Variants in PLXDC2 observed in about 807,000 individuals in gnomAD.
PLXDC2 encodes the protein plexin domain containing 2.
A neutral mutation model predicts 68.9 loss-of-function variants in PLXDC2; 40 were observed. The ratio of observed to expected loss-of-function variants is 0.58; its 90% CI spans 0.45 to 0.76. The LOEUF (loss-of-function observed/expected upper bound fraction) is 0.76, where lower values mean the gene tolerates loss of function less well. Ranked by LOEUF, PLXDC2 falls within the 30% of genes least tolerant of loss-of-function variation. The pLI, the probability that PLXDC2 is intolerant of heterozygous loss-of-function variation, is 0.00. For missense variants in PLXDC2, 644 were observed against 661.9 expected, an observed-to-expected ratio of 0.97 and a Z score of 0.30; for synonymous variants, 243 against 234.2, an observed-to-expected ratio of 1.04 and a Z score of -0.34.
At chr10:19,877,472 TA>T (rs1296700671) in intron 1 of PLXDC2, among the ~76,000 whole-genome samples, 16 of 152,346 alleles carry the variant, frequency 1.1e-4, no homozygotes, top group African/African-American at 3.8e-4. Flanking sequence ...CCCATGCATC[TA>T]GATATGACTA....
intron 1 of PLXDC2, among the ~76,000 whole-genome samples, chr10:19,942,211 TGAAAA>T (rs550361903): frequency 1.0e-3 from 154 of 152,296 alleles, no homozygotes; most frequent in African/African-American, 3.5e-3. Context: ...GAGATGCAGT[TGAAAA>T]GAAAAGATTG....
At chr10:19,828,581 A>T (rs1278810273) in intron 1 of PLXDC2, among the ~76,000 whole-genome samples, 1 of 152,158 alleles carries the variant, frequency 6.6e-6, no homozygotes, top group Non-Finnish European at 1.5e-5. Context: ...TCTTTTTAAC[A>T]TCTGTTGTTC....
chr10:19,944,129 G>A (rs755837124), intron 1 of PLXDC2, among the ~76,000 whole-genome samples: 2 of 152,092 alleles, frequency 1.3e-5, no homozygotes, highest in African/African-American at 2.4e-5. Context: ...TATGCTTTCC[G>A]GTAGGTGCAG....
At position 20,283,872 on chromosome 10, in the gene PLXDC2, C is replaced by A. The variant is rs1275162711; in HGVS notation, c.*4053C>A. On this transcript the variant is annotated 3_prime_UTR_variant, in exon 14 of 14. Transcript: ENST00000377252. ...AACTTAATGTAAACCTTTGCACATG[C>A]AGACTATATAAAGGGAATAAAATTA... 9 of 152,264 alleles carry A rather than the reference C, an allele frequency of 5.9e-5. No individual in the cohort carries two copies. The highest frequency in any genetic ancestry group is 2.6e-4 in the Admixed American group (4 of 15,294). 9.4% of individuals were successfully genotyped at this position (152,264 alleles called of 1,614,324 possible). A position where few individuals can be genotyped will look rare whatever the true frequency, so the allele number is the denominator to read the frequency against.
At chr10:20,246,539 G>A (rs887172349) in intron 13 of PLXDC2, among the ~76,000 whole-genome samples, 5 of 152,098 alleles carry the variant, frequency 3.3e-5, no homozygotes, top group Admixed American at 3.3e-4. Flanking sequence ...TAGTAGAGAT[G>A]GGGCTTTGCC....
chr10:19,911,942 G>A (rs1174462852), intron 1 of PLXDC2, among the ~76,000 whole-genome samples: 1 of 152,150 alleles, frequency 6.6e-6, no homozygotes, highest in Non-Finnish European at 1.5e-5. Flanking sequence ...TGAAATGTCT[G>A]TCTGCTGTGT....
chr10:20,013,211 C>T (rs1489596984), intron 2 of PLXDC2, among the ~76,000 whole-genome samples: 3 of 152,160 alleles, frequency 2.0e-5, no homozygotes, highest in South Asian at 2.1e-4. Context: ...TACCTGCCTA[C>T]ATAGCGTCTA....
chr10:19,826,193 G>C (rs190762289), intron 1 of PLXDC2, among the ~76,000 whole-genome samples: 60 of 152,270 alleles, frequency 3.9e-4, no homozygotes, highest in African/African-American at 1.4e-3. Flanking sequence ...TATTTTGCCA[G>C]TCCGTAGTTT....
chr10:20,240,363 C>G (rs977627573), intron 12 of PLXDC2, among the ~76,000 whole-genome samples: 3 of 152,090 alleles, frequency 2.0e-5, no homozygotes, highest in Non-Finnish European at 2.9e-5. Flanking sequence ...GATTCCATGT[C>G]TTTGCTATTG....
chr10:20,090,441 C>G (rs984489701), intron 4 of PLXDC2, among the ~76,000 whole-genome samples: 1 of 142,586 alleles, frequency 7.0e-6, no homozygotes, highest in Non-Finnish European at 1.5e-5. Flanking sequence ...GGAAGATATG[C>G]AGGGAGACGA....
At chr10:20,202,673 T>A (rs4575163) in intron 9 of PLXDC2, among the ~76,000 whole-genome samples, 141,518 of 152,236 alleles carry the variant, frequency 0.93, 65,857 homozygotes, top group Non-Finnish European at 0.95. Flanking sequence ...TGAGAATAGT[T>A]TTGCGAGCAA....
chr10:20,080,307 G>C (rs1217139418), intron 4 of PLXDC2, among the ~76,000 whole-genome samples: 1 of 152,126 alleles, frequency 6.6e-6, no homozygotes, highest in Non-Finnish European at 1.5e-5. Context: ...ATATGAAGGG[G>C]AGTTTATCAA....
chr10:20,032,402 C>T (rs1053735318), intron 2 of PLXDC2, among the ~76,000 whole-genome samples: 5 of 152,176 alleles, frequency 3.3e-5, no homozygotes, highest in South Asian at 4.1e-4. Flanking sequence ...GGATTTTATT[C>T]TAAGTGTGAT....
intron 1 of PLXDC2, among the ~76,000 whole-genome samples, chr10:19,830,419 A>G (rs1836666245): frequency 6.6e-6 from 1 of 152,020 alleles, no homozygotes; most frequent in Non-Finnish European, 1.5e-5. Flanking sequence ...CTCAGAGCAC[A>G]TTTTTTTCTT....
intron 2 of PLXDC2, among the ~76,000 whole-genome samples, chr10:20,017,113 A>G (rs555012365): frequency 6.6e-6 from 1 of 152,320 alleles, no homozygotes; most frequent in East Asian, 1.9e-4. Context: ...ATAGAGAGAG[A>G]GAAACGAGAA....
chr10:20,018,129 A>G (rs1456899422), intron 2 of PLXDC2, among the ~76,000 whole-genome samples: 1 of 152,184 alleles, frequency 6.6e-6, no homozygotes, highest in African/African-American at 2.4e-5. Flanking sequence ...GCAAAACAAA[A>G]TATTTCTACA....
chr10:20,074,641 T>C (rs563750248), intron 4 of PLXDC2, among the ~76,000 whole-genome samples: 1 of 152,314 alleles, frequency 6.6e-6, no homozygotes, highest in Admixed American at 6.5e-5. Context: ...TTTCAAATGG[T>C]AATATTTTAA....
intron 3 of PLXDC2, among the ~76,000 whole-genome samples, chr10:20,065,778 A>G (rs1836198523): frequency 6.6e-6 from 1 of 152,204 alleles, no homozygotes; most frequent in Non-Finnish European, 1.5e-5. Context: ...TGAGAATCTA[A>G]TGCTGCCAGT....
chr10:19,827,835 A>T lies in PLXDC2; in HGVS notation c.112+10644A>T, dbSNP rs373233992. Among the ~76,000 whole-genome samples, 72 of 152,342 alleles carry T rather than the reference A, an allele frequency of 4.7e-4. 1 individual carries two copies. The South Asian group carries it at 0.012, about 26-fold the overall frequency. ...TGGCCTCCCAAAGTGCTGGGATTAC[A>T]GACATGAGCCACCGCGCCCAGCCAT... On this transcript the variant is annotated intron_variant, in intron 1 of 13. Coordinates refer to ENST00000377252, the MANE Select transcript of PLXDC2 (RefSeq NM_032812.9).
Sources: gnomAD v4.1 joint callset for allele counts (sites outside exome capture counted in the v4.1 genomes callset) on GRCh38, gnomAD v4.1.1 for gene constraint, MANE v1.5 for transcripts, NCBI Gene and HGNC (gene_info 2026-07-23, HGNC 2026-07-21) for gene names.